Variants in LDHB observed in about 807,000 individuals in gnomAD.
LDHB encodes lactate dehydrogenase B.
In LDHB, 18 loss-of-function variants were observed where a neutral mutation model predicts 33.4. The observed-to-expected ratio is 0.54, with a 90% CI of 0.37 to 0.80. LDHB has a LOEUF of 0.80. Among genes scored for constraint, LDHB ranks in the 30% least tolerant of loss-of-function variants. The pLI, the probability that LDHB is intolerant of heterozygous loss-of-function variation, is 0.00. For missense variants in LDHB, 345 were observed against 407.9 expected, an observed-to-expected ratio of 0.85 and a Z score of 1.33; for synonymous variants, 121 against 140.6, an observed-to-expected ratio of 0.86 and a Z score of 0.98.
Position 21,638,582 on chromosome 12 carries a change from G to C in LDHB, c.596-112C>G, listed in dbSNP as rs537212850. Reference sequence around the variant, plus strand: ...TGATGCAAATTACTGAATACCAACTGGAACTGCTCCAATAAGTGACTCTCC... The same window carrying C: ...TGATGCAAATTACTGAATACCAACTCGAACTGCTCCAATAAGTGACTCTCC... On this transcript the variant is annotated intron_variant, in intron 5 of 7. Transcript: ENST00000350669. 8.0e-5 allele frequency: 60 copies of C among 746,300 alleles called. No homozygotes were observed. In the South Asian group the frequency reaches 9.0e-4, roughly 11 times the overall value. 46.2% of individuals were successfully genotyped at this position (746,300 alleles called of 1,614,324 possible).
intron 4 of LDHB, among the ~76,000 whole-genome samples, chr12:21,642,842 T>C (rs1938409845): frequency 6.6e-6 from 1 of 152,206 alleles, no homozygotes; most frequent in Admixed American, 6.5e-5. Context: ...ATGGCTAAGA[T>C]AATTCAAGGA....
At chr12:21,657,478 T>C (rs756865071) in intron 1 of LDHB, 7 of 152,294 alleles carry the variant, frequency 4.6e-5, no homozygotes, top group Admixed American at 6.5e-5. Flanking sequence ...CAAGGACAAG[T>C]AGGGCCTGGT....
intron 2 of LDHB, among the ~76,000 whole-genome samples, chr12:21,649,813 C>T (rs1938629870): frequency 1.3e-5 from 2 of 151,976 alleles, no homozygotes; most frequent in South Asian, 4.2e-4. Context: ...AAGTGTTGGC[C>T]AGGGGTGGTG....
chr12:21,652,606 C>G (rs1196181012), intron 2 of LDHB, among the ~76,000 whole-genome samples: 1 of 151,976 alleles, frequency 6.6e-6, no homozygotes, highest in Non-Finnish European at 1.5e-5. Flanking sequence ...TCTATTGAAA[C>G]TAGCTAGAAG....
At chr12:21,637,431 T>A in intron 6 of LDHB, 1 of 378,794 alleles carries the variant, frequency 2.6e-6, no homozygotes, top group Admixed American at 4.2e-5. Flanking sequence ...GTTTATTGTA[T>A]AAGTTAAGAT....
At chr12:21,646,767 T>C (rs1938537730) in intron 3 of LDHB, 132 bp downstream of exon 3, 1 of 688,266 alleles carries the variant, frequency 1.5e-6, no homozygotes, top group Admixed American at 2.2e-5. Context: ...TTAACAGTTA[T>C]TGAAATAACT....
intron 1 of LDHB, among the ~76,000 whole-genome samples, chr12:21,655,605 C>T (rs1237357303): frequency 6.6e-6 from 1 of 152,158 alleles, no homozygotes; most frequent in Non-Finnish European, 1.5e-5. Context: ...TTTAGGGCAC[C>T]TAAGAAGCTT....
intron 5 of LDHB, among the ~76,000 whole-genome samples, chr12:21,641,411 T>C (rs1464180949): frequency 6.6e-6 from 1 of 152,072 alleles, no homozygotes; most frequent in African/African-American, 2.4e-5. Flanking sequence ...TTCCACAAAA[T>C]AACTCACCTG....
intron 1 of LDHB, among the ~76,000 whole-genome samples, chr12:21,656,830 G>A (rs888728987): frequency 6.6e-6 from 1 of 152,202 alleles, no homozygotes; most frequent in Non-Finnish European, 1.5e-5. Flanking sequence ...GGTCCCTTAT[G>A]TCTCCTCACT....
At chr12:21,641,882 G>A (rs749146908) in intron 5 of LDHB, 70 bp downstream of exon 5, 3 of 1,325,436 alleles carry the variant, frequency 2.3e-6, no homozygotes, top group East Asian at 2.4e-5. Context: ...AATAAAATTT[G>A]AAATAAAATG....
intron 5 of LDHB, 102 bp downstream of exon 5, chr12:21,641,850 T>A (rs1170973965): frequency 9.8e-7 from 1 of 1,019,378 alleles, no homozygotes; most frequent in Non-Finnish European, 1.5e-6. Context: ...CAACTGTTCT[T>A]AAGTACATCA....
chr12:21,644,174 A>T, intron 3 of LDHB, 66 bp from the exon 4 acceptor site: 1 of 1,185,678 alleles, frequency 8.4e-7, no homozygotes, highest in Middle Eastern at 2.0e-4. Context: ...AACCTATATG[A>T]CATGCTCTAA....
chr12:21,637,150 A>G lies in LDHB; in HGVS notation c.758T>C (p.Ile253Thr), dbSNP rs774170965. ...IKLKGYTNWA[I>T]GLSVADLIES... The stretch of plus-strand genomic sequence containing the variant: ...AATAAGATCAGCCACACTTAATCCA[A>G]TAGCCCAGTTGGTATATCCTTTTAG... Residue 253 changes from isoleucine (I) to threonine (T), a missense_variant, in exon 7 of 8, where the codon ATT becomes ACT. Transcript: ENST00000350669. 5 of 1,603,910 alleles carry G rather than the reference A, an allele frequency of 3.1e-6. No individual in the cohort carries two copies. The African/African-American group carries it at 5.3e-5, about 17-fold the overall frequency.
chr12:21,647,713 C>T (rs115878085), intron 2 of LDHB, among the ~76,000 whole-genome samples: 1,902 of 152,154 alleles, frequency 0.013, 46 homozygotes, highest in African/African-American at 0.044. Flanking sequence ...CGGAGTCTCG[C>T]TCCGTTGCCG....
At chr12:21,636,786 T>G (rs1302018469) in intron 7 of LDHB, among the ~76,000 whole-genome samples, 2 of 152,100 alleles carry the variant, frequency 1.3e-5, no homozygotes, top group Non-Finnish European at 2.9e-5. Flanking sequence ...TTACACTTAT[T>G]CAAATGATCA....
At chr12:21,639,270 G>A (rs924968284) in intron 5 of LDHB, among the ~76,000 whole-genome samples, 9 of 151,676 alleles carry the variant, frequency 5.9e-5, no homozygotes, top group African/African-American at 1.5e-4. Context: ...TTCATTTTAC[G>A]TACACAATAT....
At chr12:21,649,034 C>T (rs1359436027) in intron 2 of LDHB, among the ~76,000 whole-genome samples, 1 of 152,140 alleles carries the variant, frequency 6.6e-6, no homozygotes, top group Non-Finnish European at 1.5e-5. Context: ...CAATCTCTGA[C>T]AAGAACACAC....
In LDHB at chr12:21,646,988, T is replaced by A; in HGVS notation, c.158A>T (p.Asp53Val). The A allele has an allele frequency of 6.2e-7, 1 of 1,613,598 alleles. No homozygotes were observed. Among genetic ancestry groups the A allele is most frequent in the Non-Finnish European group, 8.5e-7 (1 of 1,179,632 alleles). ...KSLADELALV[D>V]VLEDKLKGEM... ...TCCTTTAAGCTTATCTTCCAAAACA[T>A]CCACAAGAGCAAGTTCATCAGCCAG... The change falls in exon 3 of 8, where the codon GAT (aspartate) becomes GTT (valine). Residue 53 changes from aspartate (D) to valine (V), a missense_variant. Coordinates refer to ENST00000350669, the MANE Select transcript of LDHB (RefSeq NM_002300.8).
chr12:21,639,501 A>T (rs1392895395), intron 5 of LDHB, among the ~76,000 whole-genome samples: 1 of 152,006 alleles, frequency 6.6e-6, no homozygotes, highest in African/African-American at 2.4e-5. Flanking sequence ...TTTTCTCACT[A>T]AAATTAAAGT....
Sources: allele counts gnomAD v4.1 joint callset (sites outside exome capture counted in the v4.1 genomes callset), GRCh38; gene constraint gnomAD v4.1.1; transcripts MANE v1.5; gene names NCBI Gene and HGNC (gene_info 2026-07-23, HGNC 2026-07-21).